Variants in CDK5RAP2 observed in about 807,000 individuals in gnomAD.
The protein encoded by CDK5RAP2 is CDK5 regulatory subunit-associated protein 2.
Under a neutral mutation model 232.9 loss-of-function variants are expected in CDK5RAP2, and 147 were observed. The ratio of observed to expected loss-of-function variants is 0.63; its 90% CI spans 0.55 to 0.72. CDK5RAP2 has a LOEUF of 0.72. CDK5RAP2 is among the 30% of genes least tolerant of loss of function. The probability of loss-of-function intolerance (pLI) is 0.00; values close to 1 mark genes in which losing one functional copy is unlikely to be tolerated. For missense variants in CDK5RAP2, 2,195 were observed against 2,231.5 expected, an observed-to-expected ratio of 0.98 and a Z score of 0.33; for synonymous variants, 833 against 833.7, an observed-to-expected ratio of 1.00 and a Z score of 0.01.
chr9:120,491,479 T>C lies in CDK5RAP2; in HGVS notation c.1312-2A>G. 1 of 1,604,962 alleles carries C rather than the reference T, an allele frequency of 6.2e-7. No homozygotes were observed. Among genetic ancestry groups the C allele is most frequent in the East Asian group, 2.2e-5 (1 of 44,730 alleles). On this transcript the variant is annotated splice_acceptor_variant, in intron 12 of 37. Transcript: ENST00000349780. LOFTEE classifies it high-confidence loss of function. ...TTTTTCAACTTCATTTCTAAGATCCTACCAGAAGAAAATGAAAAAATGGAA... is the reference window on the plus strand; with the variant it reads ...TTTTTCAACTTCATTTCTAAGATCCCACCAGAAGAAAATGAAAAAATGGAA...
chr9:120,560,633 TG>T (rs2042428429), intron 3 of CDK5RAP2, among the ~76,000 whole-genome samples: 1 of 152,220 alleles, frequency 6.6e-6, no homozygotes, highest in Non-Finnish European at 1.5e-5. Context: ...TCTTTTTTTT[TG>T]AGACAAGAGT....
Position 120,402,907 on chromosome 9 carries a change from C to T in CDK5RAP2, c.5206G>A (p.Ala1736Thr). 1 of 1,614,120 alleles carries T rather than the reference C, an allele frequency of 6.2e-7. No homozygotes were observed. ...CCCTGGCTGATCTGTTTGAGCAGGG[C>T]CTCATAGTCCTCAATCAGGCCCAGG... is the stretch of plus-strand genomic sequence containing the variant. ...HVLGLIEDYE[A>T]LLKQISQGQR... The change falls in exon 34 of 38, where the codon GCC (alanine) becomes ACC (threonine). Residue 1736 changes from alanine to threonine, a missense_variant. Transcript: ENST00000349780.
intron 5 of CDK5RAP2, among the ~76,000 whole-genome samples, chr9:120,541,696 A>G (rs1017620281): frequency 2.0e-5 from 3 of 151,880 alleles, no homozygotes; most frequent in Non-Finnish European, 2.9e-5. Context: ...ACGTTTCCCC[A>G]CTCCTCGAAC....
At chr9:120,449,402 G>A (rs1473780259) in intron 21 of CDK5RAP2, among the ~76,000 whole-genome samples, 1 of 152,136 alleles carries the variant, frequency 6.6e-6, no homozygotes, top group Admixed American at 6.5e-5. Flanking sequence ...AAATGCCTGT[G>A]CAATTATCTG....
Position 120,530,134 on chromosome 9 carries a change from A to C in CDK5RAP2, c.669T>G (p.Ile223Met), listed in dbSNP as rs1015466419. The change falls in exon 8 of 38, where the codon ATT (isoleucine) becomes ATG (methionine). Residue 223 changes from isoleucine to methionine, a missense_variant. Coordinates refer to ENST00000349780, the MANE Select transcript of CDK5RAP2 (RefSeq NM_018249.6). ...TCTTCAAAGACAGCTTCAACTCCTC[A>C]ATCAGTCTAAAAGAGAACAAAATTT... ...ALVLDEKDRL[I>M]EELKLSLKSK... is the part of the protein sequence containing the mutation. 2 of 1,612,510 alleles carry C rather than the reference A, an allele frequency of 1.2e-6. No homozygotes were observed. The highest frequency in any genetic ancestry group is 1.7e-6 in the Non-Finnish European group (2 of 1,179,154).
rs751345328 is a variant in CDK5RAP2, at chr9:120,443,782, C to T, written c.3026-40G>A. On this transcript the variant is annotated intron_variant, in intron 22 of 37. Coordinates refer to ENST00000349780, the MANE Select transcript of CDK5RAP2 (RefSeq NM_018249.6). ...AAAGAGAAAGAAAAATAAATAAAACCGTAAGACCTGAAACTTAGCCAAGCA... is the reference window on the plus strand; with the variant it reads ...AAAGAGAAAGAAAAATAAATAAAACTGTAAGACCTGAAACTTAGCCAAGCA... 87 of 1,611,950 alleles carry T rather than the reference C, an allele frequency of 5.4e-5. No homozygotes were observed. The highest frequency in any genetic ancestry group is 4.9e-5 in the Non-Finnish European group (58 of 1,179,660).
At chr9:120,487,263 C>T in intron 14 of CDK5RAP2, 31 bp downstream of exon 14, 6 of 1,612,872 alleles carry the variant, frequency 3.7e-6, no homozygotes, top group Non-Finnish European at 5.1e-6. Context: ...AATCCATTCG[C>T]ATGTGAATGT....
chr9:120,521,483 TA>T (rs1337354199), intron 11 of CDK5RAP2, among the ~76,000 whole-genome samples: 3 of 152,132 alleles, frequency 2.0e-5, no homozygotes, highest in Non-Finnish European at 4.4e-5. Flanking sequence ...TGACAGTGAA[TA>T]AGTCTCACAA....
intron 17 of CDK5RAP2, 143 bp from the exon 18 acceptor site, chr9:120,468,140 C>T: frequency 1.3e-6 from 1 of 751,910 alleles, no homozygotes; most frequent in Non-Finnish European, 2.3e-6. Flanking sequence ...CTCAGGATAC[C>T]CTGTGCACAG....
At chr9:120,439,294 T>C (rs904066057) in intron 24 of CDK5RAP2, 105 bp downstream of exon 24, 20 of 1,004,450 alleles carry the variant, frequency 2.0e-5, no homozygotes, top group African/African-American at 6.3e-5. Context: ...GAACACACTC[T>C]ACCCATCACA....
chr9:120,497,420 TTAAAAAAAAA>T (rs1564300325), intron 12 of CDK5RAP2, among the ~76,000 whole-genome samples: 7 of 22,128 alleles, frequency 3.2e-4, no homozygotes, highest in African/African-American at 6.4e-4. Context: ...AAAAATAAAT[TTAAAAAAAAA>T]AAAAAAAAAA....
At chr9:120,489,012 C>T (rs78819053) in intron 13 of CDK5RAP2, among the ~76,000 whole-genome samples, 2 of 152,188 alleles carry the variant, frequency 1.3e-5, no homozygotes, top group African/African-American at 2.4e-5. Flanking sequence ...AATCATCCTA[C>T]GAGAGCTTCC....
chr9:120,407,396 T>TA (rs2033531884), intron 31 of CDK5RAP2, 148 bp from the exon 32 acceptor site: 2 of 683,770 alleles, frequency 2.9e-6, no homozygotes. Context: ...CAACTTGACT[T>TA]TAGAAACAAA....
chr9:120,399,485 G>A (rs1347720410), intron 35 of CDK5RAP2, among the ~76,000 whole-genome samples: 1 of 152,232 alleles, frequency 6.6e-6, no homozygotes, highest in Non-Finnish European at 1.5e-5. Context: ...GAAAGGCTAT[G>A]ATGAAACAGA....
At chr9:120,431,029 G>C (rs141939599) in intron 25 of CDK5RAP2, among the ~76,000 whole-genome samples, 2 of 152,128 alleles carry the variant, frequency 1.3e-5, no homozygotes, top group African/African-American at 4.8e-5. Flanking sequence ...ACCAAACACC[G>C]CATGTTCTCA....
Position 120,573,687 on chromosome 9 carries a change from T to C in CDK5RAP2, c.60-1646A>G, listed in dbSNP as rs896055489. Among the ~76,000 whole-genome samples the C allele has an allele frequency of 5.9e-5, 9 of 152,020 alleles. No homozygotes were observed. The East Asian group carries it at 9.6e-4, about 16-fold the overall frequency. On this transcript the variant is annotated intron_variant, in intron 1 of 37. Coordinates refer to ENST00000349780, the MANE Select transcript of CDK5RAP2 (RefSeq NM_018249.6). ...AGTCACCTCAAGTCCATTTTGGAAA[T>C]AGGTGGGCTACAGATATATAACAAG...
chr9:120,454,983 G>A (rs1056256375), intron 20 of CDK5RAP2, among the ~76,000 whole-genome samples: 5 of 152,182 alleles, frequency 3.3e-5, no homozygotes, highest in African/African-American at 1.2e-4. Context: ...GCTTTCCAGG[G>A]AAGCAAAACT....
At position 120,402,788 on chromosome 9, in the gene CDK5RAP2, G is replaced by A. The variant is rs772661078; in HGVS notation, c.5307+18C>T. ...CCCAGGGAGCAGCTTGTGCCCCCCAGCTCTGTGGTCAGGTTACCTTTGTTC... is the reference window on the plus strand; with the variant it reads ...CCCAGGGAGCAGCTTGTGCCCCCCAACTCTGTGGTCAGGTTACCTTTGTTC... On this transcript the variant is annotated intron_variant, in intron 34 of 37. Transcript: ENST00000349780. 40 of 1,613,320 alleles carry A rather than the reference G, an allele frequency of 2.5e-5. No individual in the cohort carries two copies. The highest frequency in any genetic ancestry group is 3.3e-5 in the Non-Finnish European group (39 of 1,179,976).
intron 25 of CDK5RAP2, among the ~76,000 whole-genome samples, chr9:120,429,158 A>C (rs570632583): frequency 4.5e-4 from 69 of 152,132 alleles, no homozygotes; most frequent in African/African-American, 1.5e-3. Context: ...TATCATACTG[A>C]ATGGGCAAAA....
Sources: allele counts gnomAD v4.1 joint callset (sites outside exome capture counted in the v4.1 genomes callset), GRCh38; gene constraint gnomAD v4.1.1; transcripts MANE v1.5; gene names NCBI Gene and HGNC (gene_info 2026-07-23, HGNC 2026-07-21).